PKIB: variants seen among roughly 807,000 people sequenced by gnomAD.
The protein encoded by PKIB is cAMP-dependent protein kinase inhibitor beta.
A neutral mutation model predicts 4.5 loss-of-function variants in PKIB; 2 were observed. The observed-to-expected ratio is 0.44, with a 90% confidence interval of 0.18 to 1.39. PKIB has a LOEUF of 1.39. Among genes scored for constraint, PKIB ranks in the 40% most tolerant of loss-of-function variants. The pLI, the probability that PKIB is intolerant of heterozygous loss-of-function variation, is 0.27. For missense variants in PKIB, 94 were observed against 92.6 expected (o/e 1.02, Z -0.06); for synonymous variants, 38 against 36.0 (o/e 1.06, Z -0.20).
At chr6:122,695,383 T>C (rs761423687) in intron 3 of PKIB, among the ~76,000 whole-genome samples, 13 of 151,926 alleles carry the variant, frequency 8.6e-5, no homozygotes, top group Non-Finnish European at 1.8e-4. Context: ...ATATACATTA[T>C]TGTATTGTAT....
At chr6:122,501,832 A>G (rs1399013474) in intron 2 of PKIB, among the ~76,000 whole-genome samples, 1 of 151,822 alleles carries the variant, frequency 6.6e-6, no homozygotes, top group African/African-American at 2.4e-5. Context: ...CTGCATAGTC[A>G]TGCTGCAAAT....
rs931738844 is a variant in PKIB, at chr6:122,552,087, G to A, written c.-247-33834G>A. ...CCCTTTTTACTTGCTCTGTGTAAAT[G>A]GAGATGGGCCAATTAAATATTTCTC... On this transcript the variant is annotated intron_variant, in intron 2 of 6. Transcript: ENST00000392491. Among the ~76,000 whole-genome samples, 60 of 151,918 alleles carry A rather than the reference G, an allele frequency of 3.9e-4. 1 individual carries two copies. Among genetic ancestry groups the A allele is most frequent in the Non-Finnish European group, 4.4e-5 (3 of 67,996 alleles).
chr6:122,626,870 A>G (rs1011477342), intron 1 of PKIB, among the ~76,000 whole-genome samples: 1 of 152,126 alleles, frequency 6.6e-6, no homozygotes, highest in Non-Finnish European at 1.5e-5. Flanking sequence ...TACCACATTG[A>G]GAGTTGTTTT....
At chr6:122,579,258 A>C (rs1286497999) in intron 2 of PKIB, among the ~76,000 whole-genome samples, 1 of 152,170 alleles carries the variant, frequency 6.6e-6, no homozygotes, top group Non-Finnish European at 1.5e-5. Context: ...CTTTCCACTG[A>C]TGCCCTGACA....
At chr6:122,719,716 TAC>T (rs202212013) in intron 4 of PKIB, among the ~76,000 whole-genome samples, 251 of 132,834 alleles carry the variant, frequency 1.9e-3, no homozygotes, top group East Asian at 0.012. Flanking sequence ...CCACCACACA[TAC>T]ACACACACAC....
chr6:122,520,961 G>A lies in PKIB; in HGVS notation c.-248+43022G>A, dbSNP rs552261136. 3.3e-5 allele frequency among the ~76,000 whole-genome samples: 5 copies of A among 152,274 alleles called. No homozygotes were observed. In the East Asian group the frequency reaches 7.7e-4, roughly 24 times the overall value. On this transcript the variant is annotated intron_variant, in intron 2 of 6. Coordinates refer to the PKIB transcript ENST00000392491. ...CTTGAAGAAGTGATAGTCAGTTGGC[G>A]AGACATCAGGTGAGTATGACGGATG...
At chr6:122,679,062 A>G (rs748431551) in intron 3 of PKIB, among the ~76,000 whole-genome samples, 1 of 152,188 alleles carries the variant, frequency 6.6e-6, no homozygotes, top group Non-Finnish European at 1.5e-5. Flanking sequence ...AGGCAATCCT[A>G]CATACTTGGG....
At chr6:122,551,038 A>C (rs775134613) in intron 2 of PKIB, among the ~76,000 whole-genome samples, 3 of 152,138 alleles carry the variant, frequency 2.0e-5, no homozygotes, top group African/African-American at 7.2e-5. Context: ...TTTGCATGGC[A>C]TTCTATCTTT....
intron 1 of PKIB, among the ~76,000 whole-genome samples, chr6:122,611,983 T>C (rs2114762017): frequency 6.6e-6 from 1 of 152,312 alleles, no homozygotes; most frequent in Admixed American, 6.5e-5. Flanking sequence ...AAAACGTTTT[T>C]AGTAATGGAC....
At chr6:122,479,924 C>G (rs1322844797) in intron 2 of PKIB, 2 of 151,218 alleles carry the variant, frequency 1.3e-5, no homozygotes, top group Admixed American at 6.6e-5. Flanking sequence ...TCCAACAGAG[C>G]TTAAAGGTAT....
chr6:122,714,520 G>A (rs1239922959), intron 3 of PKIB, among the ~76,000 whole-genome samples: 1 of 152,010 alleles, frequency 6.6e-6, no homozygotes, highest in Non-Finnish European at 1.5e-5. Flanking sequence ...ATAATATAAA[G>A]GCAAAAGGAA....
intron 2 of PKIB, among the ~76,000 whole-genome samples, chr6:122,575,264 T>C (rs1301437531): frequency 6.6e-6 from 1 of 152,092 alleles, no homozygotes; most frequent in African/African-American, 2.4e-5. Flanking sequence ...GATGTTGGCA[T>C]GGATGTGGTG....
chr6:122,725,776 C>T lies in PKIB; in HGVS notation c.*581C>T, dbSNP rs1016716974. The T allele has an allele frequency of 2.6e-5, 4 of 151,404 alleles. No individual in the cohort carries two copies. Among genetic ancestry groups the T allele is most frequent in the Non-Finnish European group, 2.9e-5 (2 of 67,974 alleles). 9.4% of individuals were successfully genotyped at this position (151,404 alleles called of 1,614,324 possible). A position where few individuals can be genotyped will look rare whatever the true frequency, so the allele number is the denominator to read the frequency against. ...ACATCTTTAGGATATTTTTGTCTGA[C>T]ATATTTTGCTTCTAGTATGTGCCTA... is the stretch of plus-strand genomic sequence containing the variant. On this transcript the variant is annotated 3_prime_UTR_variant, in exon 5 of 5. Coordinates refer to ENST00000368452, the MANE Select transcript of PKIB (RefSeq NM_181795.3).
intron 2 of PKIB, among the ~76,000 whole-genome samples, chr6:122,538,963 C>T (rs1185521658): frequency 1.4e-4 from 21 of 151,928 alleles, no homozygotes; most frequent in Admixed American, 2.0e-4. Context: ...GGAGTTCACT[C>T]GTGATTTGGC....
chr6:122,639,209 T>C (rs1043693224), intron 2 of PKIB, among the ~76,000 whole-genome samples: 1 of 152,044 alleles, frequency 6.6e-6, no homozygotes, highest in African/African-American at 2.4e-5. Flanking sequence ...TTGAAGACTG[T>C]CCAAACACTG....
chr6:122,700,889 A>G (rs1778784002), intron 3 of PKIB, among the ~76,000 whole-genome samples: 1 of 152,158 alleles, frequency 6.6e-6, no homozygotes, highest in Non-Finnish European at 1.5e-5. Context: ...CAGTAAAGTC[A>G]TTAGTCTATG....
chr6:122,520,782 A>G (rs1776918927), intron 2 of PKIB, among the ~76,000 whole-genome samples: 2 of 151,858 alleles, frequency 1.3e-5, no homozygotes, highest in South Asian at 4.2e-4. Flanking sequence ...AGTAGGGACC[A>G]TTACAATCAA....
chr6:122,676,627 G>T (rs183297933), intron 3 of PKIB, among the ~76,000 whole-genome samples: 1 of 152,248 alleles, frequency 6.6e-6, no homozygotes. Flanking sequence ...AAACATTGCT[G>T]CTTAGTAGTT....
At chr6:122,501,564 G>C (rs542480528) in intron 2 of PKIB, among the ~76,000 whole-genome samples, 1 of 152,256 alleles carries the variant, frequency 6.6e-6, no homozygotes, top group Admixed American at 6.5e-5. Context: ...GCATTACTTT[G>C]GCCCCTTTTA....
Sources: allele counts gnomAD v4.1 joint callset (sites outside exome capture counted in the v4.1 genomes callset), GRCh38; gene constraint gnomAD v4.1.1; transcripts MANE v1.5; gene names NCBI Gene and HGNC (gene_info 2026-07-23, HGNC 2026-07-21).